Variants in MAST4 observed in about 807,000 individuals in gnomAD.
MAST4 encodes the protein microtubule associated serine/threonine kinase family member 4.
Under a neutral mutation model 162.7 loss-of-function variants are expected in MAST4, and 89 were observed. That is an observed-to-expected ratio of 0.55 (90% confidence interval 0.46 to 0.65). The LOEUF (loss-of-function observed/expected upper bound fraction) is 0.65, where lower values mean the gene tolerates loss of function less well. Ranked by LOEUF, MAST4 falls within the 30% of genes least tolerant of loss-of-function variation. The pLI is 0.00. For synonymous variants in MAST4, 1,479 were observed against 1,361.1 expected (o/e 1.09, Z -1.91); for missense variants, 3,153 against 3,374.0 (o/e 0.93, Z 1.62).
At chr5:66,994,191 GT>G (rs909463596) in intron 4 of MAST4, among the ~76,000 whole-genome samples, 1 of 151,994 alleles carries the variant, frequency 6.6e-6, no homozygotes, top group Non-Finnish European at 1.5e-5. Flanking sequence ...CATGACCAGG[GT>G]CATGGCAAGT....
chr5:67,023,299 G>T (rs538820566), intron 4 of MAST4, among the ~76,000 whole-genome samples: 1 of 152,272 alleles, frequency 6.6e-6, no homozygotes, highest in South Asian at 2.1e-4. Context: ...AACTTCTTAC[G>T]TTGTAGGTCT....
At chr5:67,060,216 C>T (rs989849488) in intron 5 of MAST4, among the ~76,000 whole-genome samples, 7 of 152,146 alleles carry the variant, frequency 4.6e-5, no homozygotes, top group South Asian at 2.1e-4. Flanking sequence ...GCTCACCTTG[C>T]GCTTCAGCTA....
At chr5:67,054,379 T>A in intron 4 of MAST4, 25 bp from the exon 5 acceptor site, 3 of 1,570,284 alleles carry the variant, frequency 1.9e-6, no homozygotes, top group Non-Finnish European at 2.6e-6. Context: ...CTTTTTAAAC[T>A]TTGTTTTTTC....
At chr5:66,775,965 A>G (rs1754582527) in intron 2 of MAST4, among the ~76,000 whole-genome samples, 1 of 152,240 alleles carries the variant, frequency 6.6e-6, no homozygotes, top group Non-Finnish European at 1.5e-5. Context: ...TATTGTTGAG[A>G]AAGAATTTGA....
At chr5:66,709,167 G>A (rs1750335514) in intron 1 of MAST4, among the ~76,000 whole-genome samples, 2 of 151,904 alleles carry the variant, frequency 1.3e-5, no homozygotes, top group African/African-American at 4.8e-5. Flanking sequence ...TTCCAGGAAA[G>A]CACCAAGAAT....
intron 2 of MAST4, among the ~76,000 whole-genome samples, chr5:66,768,723 C>T (rs942727609): frequency 1.3e-5 from 2 of 152,064 alleles, no homozygotes; most frequent in African/African-American, 4.8e-5. Flanking sequence ...TCTTGATAGT[C>T]TCAATGTCCA....
intron 9 of MAST4, among the ~76,000 whole-genome samples, chr5:67,103,712 G>A (rs1341423860): frequency 6.6e-6 from 1 of 152,190 alleles, no homozygotes; most frequent in African/African-American, 2.4e-5. Flanking sequence ...TATAAGATGT[G>A]TGCTCCTGGC....
At chr5:66,969,994 T>C (rs142162100) in intron 4 of MAST4, among the ~76,000 whole-genome samples, 343 of 152,314 alleles carry the variant, frequency 2.3e-3, no homozygotes, top group African/African-American at 7.7e-3. Context: ...TGGAATTTTA[T>C]TTCTGAATTG....
intron 23 of MAST4, among the ~76,000 whole-genome samples, chr5:67,146,055 G>A (rs1318133947): frequency 1.3e-5 from 2 of 152,210 alleles, no homozygotes; most frequent in Non-Finnish European, 2.9e-5. Flanking sequence ...ACGTGCATAT[G>A]AAATAACTCC....
chr5:67,088,738 G>A (rs901011084), intron 5 of MAST4, among the ~76,000 whole-genome samples: 8 of 152,132 alleles, frequency 5.3e-5, no homozygotes, highest in African/African-American at 1.7e-4. Flanking sequence ...ATTGCAGCAG[G>A]GGGAAAAATG....
At chr5:66,964,478 C>T (rs1180096532) in intron 4 of MAST4, among the ~76,000 whole-genome samples, 3 of 151,620 alleles carry the variant, frequency 2.0e-5, no homozygotes, top group African/African-American at 4.9e-5. Flanking sequence ...ACATAGTGTA[C>T]CCAGCGTCCC....
intron 11 of MAST4, among the ~76,000 whole-genome samples, chr5:67,113,109 C>G (rs1057260137): frequency 6.6e-6 from 1 of 151,902 alleles, no homozygotes; most frequent in African/African-American, 2.4e-5. Flanking sequence ...GTCAGGAGAT[C>G]GAGACCATCC....
At chr5:66,901,924 GA>G (rs1244902400) in intron 4 of MAST4, among the ~76,000 whole-genome samples, 1 of 152,032 alleles carries the variant, frequency 6.6e-6, no homozygotes, top group Non-Finnish European at 1.5e-5. Flanking sequence ...TTGAGAAAGG[GA>G]AAATACTTTT....
chr5:66,666,960 A>G (rs1747301076), intron 1 of MAST4, among the ~76,000 whole-genome samples: 1 of 151,950 alleles, frequency 6.6e-6, no homozygotes, highest in Non-Finnish European at 1.5e-5. Context: ...CTGGGGCTTG[A>G]CTGGCAGCCT....
intron 1 of MAST4, among the ~76,000 whole-genome samples, chr5:66,643,879 T>TC (rs1491446912): frequency 2.6e-5 from 1 of 37,990 alleles, no homozygotes; most frequent in East Asian, 3.2e-3. Context: ...ATAGCTTGTG[T>TC]TTTTTTTTTT....
In MAST4 at chr5:67,164,478, A is replaced by T; in HGVS notation, c.5299A>T (p.Ser1767Cys). 6.2e-7 allele frequency: 1 copy of T among 1,614,052 alleles called. No individual in the cohort carries two copies. The change falls in exon 29 of 29, where the codon AGT becomes TGT. Residue 1767 changes from serine to cysteine, a missense_variant. Physicochemically the swap from Ser to Cys is moderately radical, Grantham distance 112. Coordinates refer to ENST00000403625, the MANE Select transcript of MAST4 (RefSeq NM_001164664.2). This position sits in a 1 kb window ranked among gnomAD's most constrained non-coding sequence, Gnocchi z 5.3. ...PLKALTGRVD[S>C]GTEKPGLVAP... Reference sequence around the variant, plus strand: ...CAAGGCCTTAACAGGCCGGGTGGACAGTGGAACGGAGAAGCCTGGCTTGGT... The same window carrying T: ...CAAGGCCTTAACAGGCCGGGTGGACTGTGGAACGGAGAAGCCTGGCTTGGT...
At chr5:66,919,711 A>G (rs1764366036) in intron 4 of MAST4, among the ~76,000 whole-genome samples, 2 of 151,312 alleles carry the variant, frequency 1.3e-5, no homozygotes, top group African/African-American at 4.9e-5. Flanking sequence ...TACCTTCTCT[A>G]GTACTCATAT....
intron 1 of MAST4, among the ~76,000 whole-genome samples, chr5:66,746,536 C>G (rs759771317): frequency 2.4e-4 from 36 of 152,160 alleles, no homozygotes; most frequent in Non-Finnish European, 4.9e-4. Flanking sequence ...ACTTTCTCTC[C>G]CAAAGCTGGA....
chr5:67,164,365 A>T lies in MAST4; in HGVS notation c.5186A>T (p.Gln1729Leu). 6.2e-7 allele frequency: 1 copy of T among 1,613,970 alleles called. No individual in the cohort carries two copies. The highest frequency in any genetic ancestry group is 8.5e-7 in the Non-Finnish European group (1 of 1,179,862). ...AACCCAGTCCGACCCACGGGTGGGC[A>T]GCAGGAGCCCCCGCCGGCTTCTGAG... ...PGNPVRPTGG[Q>L]QEPPPASESR... Residue 1729 changes from glutamine (Q) to leucine (L), a missense_variant, in exon 29 of 29, where the codon CAG becomes CTG. Physicochemically the swap from Gln to Leu is moderately radical, Grantham distance 113. Coordinates refer to ENST00000403625, the MANE Select transcript of MAST4 (RefSeq NM_001164664.2). This position sits in a 1 kb window ranked among gnomAD's most constrained non-coding sequence, Gnocchi z 5.3.
Sources: gnomAD v4.1 joint callset for allele counts (sites outside exome capture counted in the v4.1 genomes callset) on GRCh38, gnomAD v4.1.1 for gene constraint, Gnocchi (gnomAD v3.1) non-coding constraint, MANE v1.5 for transcripts, NCBI Gene and HGNC (gene_info 2026-07-23, HGNC 2026-07-21) for gene names.